STAU1: variants seen among roughly 807,000 people sequenced by gnomAD.
STAU1 encodes double-stranded RNA-binding protein Staufen homolog 1.
A neutral mutation model predicts 62.9 loss-of-function variants in STAU1; 13 were observed. The ratio of observed to expected loss-of-function variants is 0.21; its 90% CI spans 0.13 to 0.33. The LOEUF is 0.33. STAU1 is among the 10% of genes least tolerant of loss of function. The pLI is 1.00. For missense variants in STAU1, 571 were observed against 712.1 expected (o/e 0.80, Z 2.25); for synonymous variants, 269 against 265.1 (o/e 1.01, Z -0.14).
At chr20:49,165,845 T>G (rs954292486) in intron 3 of STAU1, 152 bp downstream of exon 3, 9 of 731,270 alleles carry the variant, frequency 1.2e-5, no homozygotes, top group Non-Finnish European at 1.8e-5. Flanking sequence ...ACAACCAGTG[T>G]TCTATATCTG....
At chr20:49,217,042 A>G in the STAU1 span, among the ~76,000 whole-genome samples, 1 of 152,174 alleles carries the variant, frequency 6.6e-6, no homozygotes, top group Non-Finnish European at 1.5e-5. Flanking sequence ...AGAGGCTCCC[A>G]TGGGGCTGGG....
intron 1 of STAU1, among the ~76,000 whole-genome samples, chr20:49,186,296 A>C (rs751076973): frequency 6.6e-6 from 1 of 151,912 alleles, no homozygotes; most frequent in Non-Finnish European, 1.5e-5. Context: ...AAATGAGCCG[A>C]AATCGCGCCA....
chr20:49,125,575 G>A (rs1268763140), intron 6 of STAU1, among the ~76,000 whole-genome samples: 9 of 150,806 alleles, frequency 6.0e-5, no homozygotes, highest in South Asian at 2.1e-4. Context: ...GGCCAGGCGC[G>A]GTGGCTCACG....
At chr20:49,193,412 C>T in the STAU1 span, among the ~76,000 whole-genome samples, 1 of 152,070 alleles carries the variant, frequency 6.6e-6, no homozygotes, top group East Asian at 1.9e-4. Context: ...GTAGCTCACA[C>T]CTGTAATCCG....
In STAU1 at chr20:49,158,320, CT is replaced by C; in HGVS notation, c.206-4250del. 4.4e-6 allele frequency: 3 copies of C among 675,348 alleles called. 1 individual carries two copies. In the South Asian group the frequency reaches 5.0e-5, roughly 11 times the overall value. 41.8% of individuals were successfully genotyped at this position (675,348 alleles called of 1,614,324 possible). A position where few individuals can be genotyped will look rare whatever the true frequency, so the allele number is the denominator to read the frequency against. ...AAAATTAATTGAAGCTTTTATTCTT[CT>C]GATGTAATCACTGAATATCACTTTA... On this transcript the variant is annotated intron_variant, in intron 3 of 13. Transcript: ENST00000371856.
chr20:49,139,378 A>T (rs1423656435), intron 5 of STAU1, among the ~76,000 whole-genome samples: 2 of 152,216 alleles, frequency 1.3e-5, no homozygotes, highest in African/African-American at 4.8e-5. Context: ...CAACAATAAA[A>T]CAACCCAATT....
intron 1 of STAU1, among the ~76,000 whole-genome samples, chr20:49,174,660 A>G (rs508890): frequency 0.73 from 110,896 of 151,634 alleles, 41,341 homozygotes; most frequent in African/African-American, 0.87. Flanking sequence ...TGAGACTGCC[A>G]GGCATGGTGG....
the STAU1 span, among the ~76,000 whole-genome samples, chr20:49,215,217 G>A: frequency 6.6e-6 from 1 of 152,104 alleles, no homozygotes; most frequent in East Asian, 1.9e-4. Context: ...CTTCATCTGA[G>A]CCTCTTTCTC....
the STAU1 span, among the ~76,000 whole-genome samples, chr20:49,201,130 C>T: frequency 6.9e-6 from 1 of 145,494 alleles, no homozygotes; most frequent in African/African-American, 2.5e-5. Flanking sequence ...CAGTGGTTGT[C>T]AAGGGCTGGG....
the STAU1 span, among the ~76,000 whole-genome samples, chr20:49,195,930 A>T: frequency 6.8e-6 from 1 of 147,610 alleles, no homozygotes; most frequent in Non-Finnish European, 1.5e-5. Context: ...AAAAAGAAAA[A>T]AAAAAAACAA....
chr20:49,153,906 C>CA (rs3092191), intron 4 of STAU1, 27 bp downstream of exon 4: 99,501 of 1,334,002 alleles, frequency 0.075, 11 homozygotes, highest in East Asian at 0.1. Flanking sequence ...CTGTATTTTA[C>CA]AAAAAAAAAA....
chr20:49,143,380 C>T (rs1289905082), intron 5 of STAU1, among the ~76,000 whole-genome samples: 1 of 151,962 alleles, frequency 6.6e-6, no homozygotes, highest in Admixed American at 6.6e-5. Flanking sequence ...TCACTTGAGC[C>T]CAGGAGTTCA....
intron 3 of STAU1, among the ~76,000 whole-genome samples, chr20:49,157,452 T>C (rs2093378021): frequency 1.3e-5 from 2 of 152,172 alleles, no homozygotes; most frequent in South Asian, 4.2e-4. Context: ...TAGCTGGGAC[T>C]ACAGGCACAC....
intron 1 of STAU1, among the ~76,000 whole-genome samples, chr20:49,181,833 A>ATCATGT (rs2093730090): frequency 6.6e-6 from 1 of 151,326 alleles, no homozygotes. Context: ...ACCCTCAGCA[A>ATCATGT]TCATGTTCAT....
At chr20:49,119,540 T>C (rs116524202) in intron 9 of STAU1, among the ~76,000 whole-genome samples, 1 of 152,204 alleles carries the variant, frequency 6.6e-6, no homozygotes, top group South Asian at 2.1e-4. Flanking sequence ...AAACTTTGGA[T>C]TTGGCCTGTC....
chr20:49,179,441 A>G (rs1354016034), intron 1 of STAU1, among the ~76,000 whole-genome samples: 1 of 152,232 alleles, frequency 6.6e-6, no homozygotes, highest in Non-Finnish European at 1.5e-5. Flanking sequence ...ACAAACCAAA[A>G]GGAAACTTAT....
At chr20:49,118,524 C>T in intron 9 of STAU1, 116 bp from the exon 10 acceptor site, 1 of 801,202 alleles carries the variant, frequency 1.2e-6, no homozygotes, top group Non-Finnish European at 2.0e-6. Flanking sequence ...TGGCAATCGG[C>T]AGAAAAACCC....
intron 1 of STAU1, among the ~76,000 whole-genome samples, chr20:49,186,441 T>A (rs8125450): frequency 0.012 from 1,797 of 152,208 alleles, 41 homozygotes; most frequent in African/African-American, 0.04. Context: ...GAGGCCACTT[T>A]GCCGCATGTG....
the STAU1 span, among the ~76,000 whole-genome samples, chr20:49,218,775 C>T: frequency 1.3e-5 from 2 of 151,844 alleles, no homozygotes; most frequent in African/African-American, 4.8e-5. Context: ...TGCGCAGTGG[C>T]TCACACCTGT....
Sources: allele counts gnomAD v4.1 joint callset (sites outside exome capture counted in the v4.1 genomes callset), GRCh38; gene constraint gnomAD v4.1.1; transcripts MANE v1.5; gene names NCBI Gene and HGNC (gene_info 2026-07-23, HGNC 2026-07-21).